TAFA4: variants seen among roughly 807,000 people sequenced by gnomAD.
TAFA4 encodes TAFA chemokine like family member 4, also known as chemokine-like protein TAFA-4.
Under a neutral mutation model 21.1 loss-of-function variants are expected in TAFA4, and 20 were observed. The ratio of observed to expected loss-of-function variants is 0.95; its 90% CI spans 0.67 to 1.38. TAFA4 has a LOEUF of 1.38. Ranked by LOEUF, TAFA4 falls within the 40% of genes most tolerant of loss-of-function variation. The pLI is 0.00. For missense variants in TAFA4, 211 were observed against 180.9 expected, an observed-to-expected ratio of 1.17 and a Z score of -0.95; for synonymous variants, 71 against 67.4, an observed-to-expected ratio of 1.05 and a Z score of -0.26.
intron 3 of TAFA4, among the ~76,000 whole-genome samples, chr3:68,876,285 A>G (rs1249830591): frequency 1.3e-5 from 2 of 152,214 alleles, no homozygotes; most frequent in African/African-American, 4.8e-5. Context: ...GGCTCTATTT[A>G]GCTATGATAA....
intron 2 of TAFA4, chr3:68,883,208 T>G (rs1478757374): frequency 6.6e-6 from 1 of 152,332 alleles, no homozygotes; most frequent in Non-Finnish European, 1.5e-5. Flanking sequence ...CACTTCCAAG[T>G]GCTCTCAGGT....
intron 3 of TAFA4, among the ~76,000 whole-genome samples, chr3:68,834,040 C>T (rs1704462955): frequency 6.6e-6 from 1 of 152,144 alleles, no homozygotes; most frequent in African/African-American, 2.4e-5. Flanking sequence ...TGATGCTCAC[C>T]CTGACTTCTC....
At chr3:68,762,306 A>G (rs1314238137) in intron 3 of TAFA4, among the ~76,000 whole-genome samples, 1 of 152,162 alleles carries the variant, frequency 6.6e-6, no homozygotes, top group Non-Finnish European at 1.5e-5. Context: ...TATAATGACT[A>G]TTTGAGAAAT....
At chr3:68,916,780 A>G (rs757663734) in intron 1 of TAFA4, among the ~76,000 whole-genome samples, 11 of 152,158 alleles carry the variant, frequency 7.2e-5, no homozygotes, top group Non-Finnish European at 1.2e-4. Flanking sequence ...GTCACTTCAT[A>G]GCCCAAAATA....
At chr3:68,795,700 G>A (rs1482656827) in intron 3 of TAFA4, among the ~76,000 whole-genome samples, 3 of 152,122 alleles carry the variant, frequency 2.0e-5, no homozygotes, top group African/African-American at 4.8e-5. Flanking sequence ...CTGAATCCTC[G>A]AGCTACTGTT....
chr3:68,795,369 T>C (rs1034493327), intron 3 of TAFA4, among the ~76,000 whole-genome samples: 1 of 152,026 alleles, frequency 6.6e-6, no homozygotes, highest in Non-Finnish European at 1.5e-5. Context: ...CTCAATCTTC[T>C]GGTTTACATG....
chr3:68,880,607 C>T (rs950847733), intron 3 of TAFA4, 123 bp downstream of exon 3: 23 of 714,370 alleles, frequency 3.2e-5, no homozygotes, highest in Non-Finnish European at 5.0e-5. Flanking sequence ...ATATTTCATG[C>T]TTCCTCTAGT....
intron 5 of TAFA4, among the ~76,000 whole-genome samples, chr3:68,734,969 A>AT (rs1702212812): frequency 6.6e-6 from 1 of 152,114 alleles, no homozygotes; most frequent in Admixed American, 6.6e-5. Context: ...TCTCAGACTT[A>AT]TTTTCCTTTA....
At chr3:68,782,862 C>G (rs1357200440) in intron 3 of TAFA4, among the ~76,000 whole-genome samples, 3 of 152,062 alleles carry the variant, frequency 2.0e-5, no homozygotes, top group Non-Finnish European at 2.9e-5. Flanking sequence ...CTAAGTACCA[C>G]TGAATTGAAC....
chr3:68,803,290 T>C (rs1348163325), intron 3 of TAFA4, among the ~76,000 whole-genome samples: 1 of 152,218 alleles, frequency 6.6e-6, no homozygotes, highest in African/African-American at 2.4e-5. Flanking sequence ...TTTGTGTTTC[T>C]ACAGAATGGG....
At chr3:68,903,352 T>C (rs947755122) in intron 1 of TAFA4, among the ~76,000 whole-genome samples, 7 of 152,244 alleles carry the variant, frequency 4.6e-5, no homozygotes, top group Non-Finnish European at 2.9e-5. Context: ...GAAATTCATC[T>C]GTTCCTTCAA....
At chr3:68,795,299 A>G (rs1190407447) in intron 3 of TAFA4, among the ~76,000 whole-genome samples, 1 of 151,282 alleles carries the variant, frequency 6.6e-6, no homozygotes, top group Non-Finnish European at 1.5e-5. Flanking sequence ...TTCAGTATCC[A>G]TTACCCTCAA....
In TAFA4 at chr3:68,874,389, G is replaced by A. The variant is rs988586068; in HGVS notation, c.130+6341C>T. 4.6e-5 allele frequency among the ~76,000 whole-genome samples: 7 copies of A among 151,930 alleles called. No homozygotes were observed. In the East Asian group the frequency reaches 7.7e-4, roughly 17 times the overall value. ...AGCAACACCTAGGAAAATACAAAAC[G>A]TCATTTTTCTTCCTGCCCCGTCTCT... On this transcript the variant is annotated intron_variant, in intron 3 of 5. Coordinates refer to ENST00000295569, the MANE Select transcript of TAFA4 (RefSeq NM_182522.5).
chr3:68,829,568 T>C (rs891886849), intron 3 of TAFA4, among the ~76,000 whole-genome samples: 14 of 152,358 alleles, frequency 9.2e-5, no homozygotes, highest in African/African-American at 3.1e-4. Flanking sequence ...AGTTTCTTGA[T>C]GTGCTGCTGG....
intron 1 of TAFA4, among the ~76,000 whole-genome samples, chr3:68,890,446 G>A (rs1466331448): frequency 6.6e-6 from 1 of 152,180 alleles, no homozygotes; most frequent in African/African-American, 2.4e-5. Context: ...AAGTTTGAAT[G>A]TTGTGGTTAA....
At chr3:68,781,121 A>C (rs2106796615) in intron 3 of TAFA4, among the ~76,000 whole-genome samples, 1 of 152,198 alleles carries the variant, frequency 6.6e-6, no homozygotes. Context: ...ACATATCAAA[A>C]TGTGTGAGAC....
intron 3 of TAFA4, among the ~76,000 whole-genome samples, chr3:68,833,440 A>T (rs954446867): frequency 6.6e-6 from 1 of 152,166 alleles, no homozygotes; most frequent in African/African-American, 2.4e-5. Context: ...ATGAAAATGG[A>T]GCTTATGTGA....
At chr3:68,876,458 C>CAG (rs1166513539) in intron 3 of TAFA4, among the ~76,000 whole-genome samples, 1 of 152,168 alleles carries the variant, frequency 6.6e-6, no homozygotes, top group Non-Finnish European at 1.5e-5. Context: ...ATTTAAGCCT[C>CAG]AGAGAGACTC....
At chr3:68,921,549 A>C (rs572382471) in intron 1 of TAFA4, among the ~76,000 whole-genome samples, 105 of 152,318 alleles carry the variant, frequency 6.9e-4, no homozygotes, top group Non-Finnish European at 1.4e-3. Context: ...TAAGCCAGGC[A>C]TCTGTGCAAA....
Sources: gnomAD v4.1 joint callset for allele counts (sites outside exome capture counted in the v4.1 genomes callset) on GRCh38, gnomAD v4.1.1 for gene constraint, MANE v1.5 for transcripts, NCBI Gene and HGNC (gene_info 2026-07-23, HGNC 2026-07-21) for gene names.